The following PCDHA2 variants were observed in gnomAD, a reference collection of about 807,000 sequenced individuals.
The protein encoded by PCDHA2 is protocadherin alpha 2, also known as protocadherin alpha-2.
Under a neutral mutation model 66.0 loss-of-function variants are expected in PCDHA2, and 58 were observed. That is an observed-to-expected ratio of 0.88 (90% CI 0.71 to 1.09). PCDHA2 has a LOEUF of 1.09. Among genes scored for constraint, PCDHA2 ranks in the 50% least tolerant of loss-of-function variants. The pLI is 0.00. For missense variants in PCDHA2, 1,267 were observed against 1,242.3 expected (o/e 1.02, Z -0.30); for synonymous variants, 634 against 554.0 (o/e 1.14, Z -2.03).
intron 1 of PCDHA2, chr5:140,884,062 C>T (rs1328958684): frequency 8.7e-6 from 14 of 1,613,496 alleles, no homozygotes; most frequent in Non-Finnish European, 1.2e-5. Context: ...GCGCGGTGGA[C>T]GCCGATTCGG....
Position 140,796,592 on chromosome 5 carries a change from C to T in PCDHA2, c.1628C>T (p.Pro543Leu), listed in dbSNP as rs782316579. The T allele has an allele frequency of 1.9e-6, 3 of 1,613,432 alleles. No individual in the cohort carries two copies. Among genetic ancestry groups the T allele is most frequent in the South Asian group, 1.1e-5 (1 of 91,058 alleles). The change falls in exon 1 of 4, where the codon CCG becomes CTG. Residue 543 changes from proline (P) to leucine (L), a missense_variant. Coordinates refer to ENST00000526136, the MANE Select transcript of PCDHA2 (RefSeq NM_018905.3). The part of the protein sequence containing the change: ...FQVSARDAGV[P>L]PLGSNVTLQV... ...GTGAGCGCGCGGGATGCGGGCGTGC[C>T]GCCTCTGGGCAGCAACGTGACGCTG...
chr5:140,876,378 T>A, intron 1 of PCDHA2: 1 of 1,613,948 alleles, frequency 6.2e-7, no homozygotes, highest in Non-Finnish European at 8.5e-7. Context: ...CAGGTGAAAT[T>A]AGAATTTATG....
At chr5:140,850,110 G>T in intron 1 of PCDHA2, 1 of 1,596,146 alleles carries the variant, frequency 6.3e-7, no homozygotes, top group South Asian at 1.1e-5. Flanking sequence ...GAGCGCGCGC[G>T]ACGCGGGCGT....
chr5:140,842,435 A>G (rs2150336163), intron 1 of PCDHA2: 10 of 1,613,586 alleles, frequency 6.2e-6, no homozygotes, highest in Admixed American at 5.0e-5. Context: ...CATCGCCCTA[A>G]TTAGCGTGAA....
At chr5:140,989,363 T>A (rs2097339689) in intron 3 of PCDHA2, among the ~76,000 whole-genome samples, 1 of 152,158 alleles carries the variant, frequency 6.6e-6, no homozygotes, top group Non-Finnish European at 1.5e-5. Flanking sequence ...GTCACCTGTG[T>A]GACTGAGAGC....
chr5:140,965,708 A>T (rs2095927788), intron 1 of PCDHA2, among the ~76,000 whole-genome samples: 1 of 152,244 alleles, frequency 6.6e-6, no homozygotes, highest in African/African-American at 2.4e-5. Context: ...AGCTTGAGAG[A>T]AGAATCTCTT....
intron 1 of PCDHA2, chr5:140,868,934 G>T: frequency 2.7e-6 from 3 of 1,116,548 alleles, no homozygotes; most frequent in African/African-American, 1.6e-5. Context: ...TTTAAAGGTT[G>T]GTCTGAACAG....
At chr5:140,807,447 A>G in intron 1 of PCDHA2, 1 of 1,605,784 alleles carries the variant, frequency 6.2e-7, no homozygotes, top group Non-Finnish European at 8.5e-7. Context: ...TTGTTTGTGA[A>G]TTCTCGGATC....
chr5:140,941,231 C>CTT (rs1554214107), intron 1 of PCDHA2, among the ~76,000 whole-genome samples: 1 of 136,770 alleles, frequency 7.3e-6, no homozygotes, highest in African/African-American at 2.8e-5. Context: ...TTCTTTCTTT[C>CTT]TTTCTTTCTT....
chr5:140,817,968 T>C (rs2150099718), intron 1 of PCDHA2, among the ~76,000 whole-genome samples: 7 of 152,340 alleles, frequency 4.6e-5, no homozygotes, highest in Non-Finnish European at 8.8e-5. Context: ...GTGTCTTTTT[T>C]TCTGTCTAGC....
intron 1 of PCDHA2, among the ~76,000 whole-genome samples, chr5:140,933,543 A>C (rs888580290): frequency 6.6e-6 from 1 of 152,092 alleles, no homozygotes; most frequent in Non-Finnish European, 1.5e-5. Flanking sequence ...AATAATGTTA[A>C]TATAAAATAA....
chr5:140,999,409 T>C (rs1554256782), intron 3 of PCDHA2, among the ~76,000 whole-genome samples: 1 of 152,186 alleles, frequency 6.6e-6, no homozygotes, highest in African/African-American at 2.4e-5. Flanking sequence ...TATGAAAGAA[T>C]GGGAGCTAAG....
intron 1 of PCDHA2, among the ~76,000 whole-genome samples, chr5:140,946,530 C>T (rs2093957873): frequency 6.6e-6 from 1 of 150,514 alleles, no homozygotes; most frequent in African/African-American, 2.5e-5. Context: ...CTCCCATGTT[C>T]ATTGCAGCAT....
rs2150225607 is a variant in PCDHA2 at position 140,834,757 on chromosome 5, A to T, written c.2388+37405A>T. 6 of 1,614,016 alleles carry T rather than the reference A, an allele frequency of 3.7e-6. No individual in the cohort carries two copies. The African/African-American group carries it at 6.7e-5, about 18-fold the overall frequency. On this transcript the variant is annotated intron_variant, in intron 1 of 3. Coordinates refer to ENST00000526136, the MANE Select transcript of PCDHA2 (RefSeq NM_018905.3). ...TTCCATGTGGACGTGGAGGTGAAGG[A>T]CATTAACGACAACCCTCCGGTGTTC...
rs1382100762 is a variant in PCDHA2 at position 140,828,610 on chromosome 5, T to G, written c.2388+31258T>G. The G allele has an allele frequency of 6.2e-7, 1 of 1,614,226 alleles. No homozygotes were observed. The highest frequency in any genetic ancestry group is 2.2e-5 in the East Asian group (1 of 44,888). On this transcript the variant is annotated intron_variant, in intron 1 of 3. Transcript: ENST00000526136. ...ATTCCATCTTAACCTATAAACTCAG[T>G]TCTAGCGAATACTTCGGGCTAGATG...
At chr5:140,937,150 G>C (rs2153631833) in intron 1 of PCDHA2, among the ~76,000 whole-genome samples, 1 of 149,812 alleles carries the variant, frequency 6.7e-6, no homozygotes, top group East Asian at 2.0e-4. Context: ...CCATTCTCCT[G>C]CCTCAGCCTC....
In PCDHA2 at chr5:140,830,077, G is replaced by T. The variant is rs2150180808; in HGVS notation, c.2388+32725G>T. The T allele has an allele frequency of 8.1e-6, 13 of 1,613,546 alleles. No homozygotes were observed. In the South Asian group the frequency reaches 1.2e-4, roughly 15 times the overall value. On this transcript the variant is annotated intron_variant, in intron 1 of 3. Transcript: ENST00000526136. Reference sequence around the variant, plus strand: ...ACGGTGAGCCGGCGCTGACAGCGACGGCCACGGTTCTGGTGTCGCTGGTGG... The same window carrying T: ...ACGGTGAGCCGGCGCTGACAGCGACTGCCACGGTTCTGGTGTCGCTGGTGG...
chr5:140,841,682 G>A (rs2150320729), intron 1 of PCDHA2: 3 of 1,613,962 alleles, frequency 1.9e-6, no homozygotes, highest in East Asian at 2.2e-5. Flanking sequence ...CCATGTGGAC[G>A]TGGAGGTGAA....
chr5:140,802,996 A>T, intron 1 of PCDHA2: 2 of 1,613,960 alleles, frequency 1.2e-6, no homozygotes, highest in Non-Finnish European at 1.7e-6. Flanking sequence ...GTGGATGCAG[A>T]CTCAGGCTAC....
Sources: allele counts gnomAD v4.1 joint callset (sites outside exome capture counted in the v4.1 genomes callset), GRCh38; gene constraint gnomAD v4.1.1; transcripts MANE v1.5; gene names NCBI Gene and HGNC (gene_info 2026-07-23, HGNC 2026-07-21).